The following ZBTB20 variants were observed in gnomAD, a reference collection of about 807,000 sequenced individuals.
ZBTB20 encodes zinc finger and BTB domain-containing protein 20.
Under a neutral mutation model 56.9 loss-of-function variants are expected in ZBTB20, and 9 were observed. That is an observed-to-expected ratio of 0.16 (90% CI 0.10 to 0.28). The LOEUF (loss-of-function observed/expected upper bound fraction) is 0.28. ZBTB20 is among the 10% of genes least tolerant of loss of function. The pLI, the probability that ZBTB20 is intolerant of heterozygous loss-of-function variation, is 1.00. For synonymous variants in ZBTB20, 417 were observed against 420.7 expected (o/e 0.99, Z 0.11); for missense variants, 655 against 1,003.0 (o/e 0.65, Z 4.69).
chr3:114,533,380 G>A (rs2048092132), intron 6 of ZBTB20, among the ~76,000 whole-genome samples: 1 of 151,816 alleles, frequency 6.6e-6, no homozygotes, highest in Non-Finnish European at 1.5e-5. Context: ...TCAAGCAGAA[G>A]AAAGGATATC....
At chr3:114,352,224 A>G (rs1319023799) in intron 10 of ZBTB20, among the ~76,000 whole-genome samples, 1 of 152,194 alleles carries the variant, frequency 6.6e-6, no homozygotes, top group African/African-American at 2.4e-5. Context: ...AGGCAAATGG[A>G]AGACTTGTTC....
At chr3:114,893,813 C>T (rs948533657) in intron 4 of ZBTB20, among the ~76,000 whole-genome samples, 4 of 152,256 alleles carry the variant, frequency 2.6e-5, no homozygotes, top group Admixed American at 6.5e-5. Context: ...TCTCTCAGTG[C>T]CATCCATACA....
In ZBTB20 at chr3:114,339,032, G is replaced by A. The variant is rs142627077; in HGVS notation, c.2199C>T (p.His733=). 3.4e-4 allele frequency: 511 copies of A among 1,523,802 alleles called. 2 individuals are homozygous for A. The African/African-American group carries it at 5.8e-3, about 17-fold the overall frequency. 94.4% of individuals were successfully genotyped at this position (1,523,802 alleles called of 1,614,324 possible). The part of the protein sequence containing the change: ...KFDQIEQFND[H]MRMHVSDG ...ATCCGTCAGACACATGCATCCTCAT[G>A]TGGTCGTTGAACTGCTCGATTTGGT... is the stretch of plus-strand genomic sequence containing the variant. The change falls in exon 12 of 12, where the codon CAC becomes CAT. Residue 733 remains histidine (H), a synonymous_variant. Transcript: ENST00000675478. The surrounding 1 kb of genome is among the most constrained non-coding windows in gnomAD (Gnocchi z 4.2).
intron 2 of ZBTB20, among the ~76,000 whole-genome samples, chr3:115,049,900 A>C (rs1560526165): frequency 6.6e-6 from 1 of 152,142 alleles, no homozygotes; most frequent in Non-Finnish European, 1.5e-5. Flanking sequence ...ATGTAATACA[A>C]GTTTAGTTTT....
chr3:115,056,200 T>A (rs944684357), intron 2 of ZBTB20, among the ~76,000 whole-genome samples: 8 of 152,078 alleles, frequency 5.3e-5, no homozygotes, highest in African/African-American at 1.9e-4. Context: ...AATTTCACAG[T>A]AGTTCAAATG....
intron 7 of ZBTB20, among the ~76,000 whole-genome samples, chr3:114,438,202 C>T (rs964307602): frequency 3.3e-5 from 5 of 151,988 alleles, no homozygotes; most frequent in African/African-American, 1.2e-4. Flanking sequence ...GGCAGAAGCC[C>T]AGGGCCAGAG....
rs1177813234 is a variant in ZBTB20, at chr3:115,131,929, C to A, written c.-703+15290G>T. On this transcript the variant is annotated intron_variant, in intron 1 of 11. Coordinates refer to ENST00000675478, the MANE Select transcript of ZBTB20 (RefSeq NM_001348800.3). ...CTATTATGTATGCCTAGGCCATGAC[C>A]ATGTTGTTTAGATGAGCTGACTTTG... 2.0e-5 allele frequency among the ~76,000 whole-genome samples: 3 copies of A among 151,994 alleles called. No homozygotes were observed. The East Asian group carries it at 5.8e-4, about 29-fold the overall frequency.
At chr3:114,478,168 G>A (rs1337362455) in intron 7 of ZBTB20, among the ~76,000 whole-genome samples, 37 of 151,866 alleles carry the variant, frequency 2.4e-4, no homozygotes, top group Admixed American at 2.4e-3. Flanking sequence ...GTTTCTCCAT[G>A]TTGGTCAGGC....
chr3:114,482,728 T>C (rs2041695146), intron 7 of ZBTB20, among the ~76,000 whole-genome samples: 2 of 152,196 alleles, frequency 1.3e-5, no homozygotes, highest in Middle Eastern at 3.2e-3. Context: ...AGATTATTCA[T>C]AATTCTTTAA....
intron 4 of ZBTB20, among the ~76,000 whole-genome samples, chr3:114,855,929 G>A (rs1471566613): frequency 1.3e-5 from 2 of 152,186 alleles, no homozygotes; most frequent in East Asian, 1.9e-4. Flanking sequence ...GTTATGTGGC[G>A]AGAGTAAATA....
At chr3:114,368,749 T>C (rs552677130) in intron 10 of ZBTB20, among the ~76,000 whole-genome samples, 16 of 152,366 alleles carry the variant, frequency 1.1e-4, no homozygotes, top group Admixed American at 6.5e-4. Flanking sequence ...ACGCTTTGCC[T>C]GTATCACTGC....
At position 114,748,380 on chromosome 3, in the gene ZBTB20, T is replaced by TCTCTCTC. The variant is rs1277740782; in HGVS notation, c.-343+52720_-343+52721insGAGAGAG. 2.4e-3 allele frequency among the ~76,000 whole-genome samples: 86 copies of TCTCTCTC among 36,122 alleles called. 1 individual carries two copies. Among genetic ancestry groups the TCTCTCTC allele is most frequent in the African/African-American group, 3.9e-3 (77 of 19,630 alleles). 23.7% of individuals were successfully genotyped at this position (36,122 alleles called of 152,430 possible). On this transcript the variant is annotated intron_variant, in intron 5 of 11. Coordinates refer to ENST00000675478, the MANE Select transcript of ZBTB20 (RefSeq NM_001348800.3). ...TCTCTCTCTCTCTCTCTCTCTCTCT[T>TCTCTCTC]TCTTTCTTTTGGCTTTGTTGTAGCT...
intron 6 of ZBTB20, among the ~76,000 whole-genome samples, chr3:114,670,165 C>T (rs779610917): frequency 7.2e-5 from 11 of 152,012 alleles, no homozygotes; most frequent in African/African-American, 9.7e-5. Context: ...TGAAGTTGTA[C>T]AGATTTACTC....
chr3:115,086,537 A>G (rs535045240), intron 1 of ZBTB20, among the ~76,000 whole-genome samples: 1 of 151,924 alleles, frequency 6.6e-6, no homozygotes, highest in East Asian at 1.9e-4. Flanking sequence ...CCAACCCTAC[A>G]AGGAAACTAG....
chr3:115,085,810 T>C (rs1271634400), intron 1 of ZBTB20, among the ~76,000 whole-genome samples: 27 of 151,916 alleles, frequency 1.8e-4, no homozygotes, highest in Admixed American at 1.8e-3. Context: ...CCACATGAAA[T>C]ATGATTTCCA....
At chr3:114,853,402 C>T (rs995206968) in intron 4 of ZBTB20, among the ~76,000 whole-genome samples, 2 of 152,168 alleles carry the variant, frequency 1.3e-5, no homozygotes, top group African/African-American at 4.8e-5. Context: ...TAAGAAAAGG[C>T]TTTTTTATAT....
chr3:114,659,847 C>G (rs2060622969), intron 6 of ZBTB20, among the ~76,000 whole-genome samples: 1 of 152,142 alleles, frequency 6.6e-6, no homozygotes, highest in African/African-American at 2.4e-5. Context: ...TTAAATAAAT[C>G]TGTCAGTACA....
intron 2 of ZBTB20, among the ~76,000 whole-genome samples, chr3:115,024,805 C>A (rs1488927733): frequency 6.6e-6 from 1 of 151,060 alleles, no homozygotes; most frequent in African/African-American, 2.4e-5. Context: ...ATTATTTAAA[C>A]AACATAGCAG....
chr3:114,650,058 A>G (rs1014266569), intron 6 of ZBTB20, among the ~76,000 whole-genome samples: 4 of 151,974 alleles, frequency 2.6e-5, no homozygotes, highest in African/African-American at 9.6e-5. Context: ...AATAAAATGG[A>G]TAAGAGTATC....
Sources: gnomAD v4.1 joint callset for allele counts (sites outside exome capture counted in the v4.1 genomes callset) on GRCh38, gnomAD v4.1.1 for gene constraint, Gnocchi (gnomAD v3.1) non-coding constraint, MANE v1.5 for transcripts, NCBI Gene and HGNC (gene_info 2026-07-23, HGNC 2026-07-21) for gene names.